Variants in WASHC5 observed in about 807,000 individuals in gnomAD.
WASHC5 encodes WASH complex subunit 5, also known as WASH complex subunit strumpellin.
In WASHC5, 101 loss-of-function variants were observed where a neutral mutation model predicts 150.4. That is an observed-to-expected ratio of 0.67 (90% confidence interval 0.57 to 0.79). The LOEUF is 0.79. Among genes scored for constraint, WASHC5 ranks in the 30% least tolerant of loss-of-function variants. WASHC5 has a pLI of 0.00. For synonymous variants in WASHC5, 467 were observed against 491.2 expected (o/e 0.95, Z 0.65); for missense variants, 1,195 against 1,396.3 (o/e 0.86, Z 2.30).
Position 125,033,406 on chromosome 8 carries a change from G to A in WASHC5, c.3182-1012C>T, listed in dbSNP as rs146466188. Among the ~76,000 whole-genome samples, 966 of 152,142 alleles carry A rather than the reference G, an allele frequency of 6.3e-3. 4 individuals are homozygous for A. The highest frequency in any genetic ancestry group is 9.3e-3 in the Non-Finnish European group (630 of 67,992). On this transcript the variant is annotated intron_variant, in intron 26 of 28. Transcript: ENST00000318410. ...TACTGAAACTGGATAGTCTTATGGGGGAACGACAAACCTTGACCCCTATCT... is the reference window on the plus strand; with the variant it reads ...TACTGAAACTGGATAGTCTTATGGGAGAACGACAAACCTTGACCCCTATCT...
chr8:125,091,213 T>C (rs532767136), intron 1 of WASHC5, among the ~76,000 whole-genome samples: 3 of 152,176 alleles, frequency 2.0e-5, no homozygotes, highest in East Asian at 1.9e-4. Flanking sequence ...CAGCAATGAC[T>C]TGCCCAAACT....
At chr8:125,063,718 G>A in intron 10 of WASHC5, 67 bp from the exon 11 acceptor site, 2 of 1,455,376 alleles carry the variant, frequency 1.4e-6, no homozygotes, top group East Asian at 2.3e-5. Flanking sequence ...CTTATGAAGA[G>A]AGCTTGAGGA....
At chr8:125,060,386 TG>T (rs1184559186) in intron 12 of WASHC5, among the ~76,000 whole-genome samples, 2 of 151,576 alleles carry the variant, frequency 1.3e-5, no homozygotes, top group Non-Finnish European at 2.9e-5. Context: ...CCCAGGAGGC[TG>T]AGGCAGGACA....
At position 125,081,755 on chromosome 8, in the gene WASHC5, C is replaced by T; in HGVS notation, c.424G>A (p.Ala142Thr). Residue 142 changes from alanine (A) to threonine (T), a missense_variant, in exon 5 of 29, where the codon GCA (alanine) becomes ACA (threonine). By Grantham distance (58) the Ala-to-Thr change is moderately conservative. Coordinates refer to ENST00000318410, the MANE Select transcript of WASHC5 (RefSeq NM_014846.4). The part of the protein sequence containing the change: ...NEDGKQLLCE[A>T]LYLYGVMLLV... ...AGCATAACTCCATATAAGTACAGTG[C>T]TTCACACTAAGAAGAGAAGAGGACA... The T allele has an allele frequency of 6.3e-7, 1 of 1,598,846 alleles. No homozygotes were observed. The highest frequency in any genetic ancestry group is 1.1e-5 in the South Asian group (1 of 90,808).
At chr8:125,072,445 C>T (rs1816927396) in intron 9 of WASHC5, among the ~76,000 whole-genome samples, 1 of 150,904 alleles carries the variant, frequency 6.6e-6, no homozygotes, top group African/African-American at 2.4e-5. Flanking sequence ...ATGATCTTGG[C>T]TCACTGCAGC....
intron 19 of WASHC5, 65 bp downstream of exon 19, chr8:125,048,941 G>T: frequency 7.7e-7 from 1 of 1,293,740 alleles, no homozygotes; most frequent in South Asian, 1.4e-5. Context: ...TCTGAGGTTT[G>T]GGATGTGTAC....
chr8:125,062,048 C>A, intron 11 of WASHC5, among the ~76,000 whole-genome samples: 1 of 151,950 alleles, frequency 6.6e-6, no homozygotes, highest in East Asian at 1.9e-4. Context: ...GGTGGTCCCA[C>A]GTTATTAAAA....
chr8:125,079,007 T>G, intron 5 of WASHC5, 77 bp from the exon 6 acceptor site: 19 of 1,189,484 alleles, frequency 1.6e-5, no homozygotes, highest in Non-Finnish European at 2.2e-5. Context: ...AAAGTAGAAT[T>G]CCATTCTACT....
At chr8:125,075,369 A>T (rs1213309419) in intron 7 of WASHC5, among the ~76,000 whole-genome samples, 3 of 152,078 alleles carry the variant, frequency 2.0e-5, no homozygotes, top group Non-Finnish European at 4.4e-5. Context: ...GTGTAATATT[A>T]ATGTTTTCTC....
chr8:125,056,933 G>T, intron 15 of WASHC5, 116 bp from the exon 16 acceptor site: 1 of 1,236,444 alleles, frequency 8.1e-7, no homozygotes, highest in Non-Finnish European at 1.2e-6. Flanking sequence ...ATGTAAAAGA[G>T]CTGTTTTAAT....
At chr8:125,039,047 A>C in intron 24 of WASHC5, 88 bp from the exon 25 acceptor site, 1 of 1,388,454 alleles carries the variant, frequency 7.2e-7, no homozygotes, top group Non-Finnish European at 1.0e-6. Context: ...TAATCTTTTC[A>C]AGCCTCAGTT....
intron 23 of WASHC5, among the ~76,000 whole-genome samples, 191 bp downstream of exon 23, chr8:125,043,634 C>T (rs1385506939): frequency 1.3e-5 from 2 of 152,084 alleles, no homozygotes; most frequent in Non-Finnish European, 2.9e-5. Flanking sequence ...TCCTAAAAAG[C>T]CTAATCAAGA....
intron 23 of WASHC5, among the ~76,000 whole-genome samples, chr8:125,041,274 A>C (rs1815876914): frequency 1.3e-5 from 2 of 152,150 alleles, no homozygotes; most frequent in African/African-American, 4.8e-5. Context: ...TGGGGAGAGG[A>C]GGGAAGACAG....
At chr8:125,076,645 C>G (rs1252848657) in intron 6 of WASHC5, 145 bp from the exon 7 acceptor site, 6 of 832,610 alleles carry the variant, frequency 7.2e-6, no homozygotes, top group Non-Finnish European at 1.2e-5. Flanking sequence ...AAGCCCTTCT[C>G]AGACTGTACC....
intron 20 of WASHC5, among the ~76,000 whole-genome samples, chr8:125,046,300 A>C (rs988253748): frequency 2.7e-5 from 4 of 150,898 alleles, no homozygotes; most frequent in African/African-American, 9.9e-5. Context: ...AATGAAGAAA[A>C]AGGAGGAAAA....
At chr8:125,026,595 T>G (rs1373966238) in intron 28 of WASHC5, among the ~76,000 whole-genome samples, 4 of 152,306 alleles carry the variant, frequency 2.6e-5, no homozygotes, top group Non-Finnish European at 4.4e-5. Context: ...ACATAGGAGA[T>G]GTAAAGGGGA....
At chr8:125,089,433 G>A (rs1817528869) in intron 1 of WASHC5, among the ~76,000 whole-genome samples, 1 of 152,170 alleles carries the variant, frequency 6.6e-6, no homozygotes, top group African/African-American at 2.4e-5. Context: ...AATGTTTTAA[G>A]CAAGTTTACA....
chr8:125,076,402 G>A lies in WASHC5; in HGVS notation c.810C>T (p.His270=), dbSNP rs1473217881. Residue 270 remains histidine, a synonymous_variant, in exon 7 of 29, where the codon CAC becomes CAT. Transcript: ENST00000318410. Reference sequence around the variant, plus strand: ...TCTCTCTCATTTTTGCTTGATGGGTGTGAAGGATGGAAGGCTCAAAGTAGA... The same window carrying A: ...TCTCTCTCATTTTTGCTTGATGGGTATGAAGGATGGAAGGCTCAAAGTAGA... The part of the protein sequence containing the change: ...VILYFEPSIL[H]THQAKMREIV... 1.2e-6 allele frequency: 2 copies of A among 1,614,014 alleles called. No homozygotes were observed. Among genetic ancestry groups the A allele is most frequent in the South Asian group, 2.2e-5 (2 of 91,068 alleles).
At chr8:125,067,234 T>C (rs1376782536) in intron 10 of WASHC5, among the ~76,000 whole-genome samples, 1 of 152,194 alleles carries the variant, frequency 6.6e-6, no homozygotes, top group African/African-American at 2.4e-5. Context: ...GCCAGGCTGA[T>C]CTCGAACTCC....
Sources: gnomAD v4.1 joint callset for allele counts (sites outside exome capture counted in the v4.1 genomes callset) on GRCh38, gnomAD v4.1.1 for gene constraint, MANE v1.5 for transcripts, NCBI Gene and HGNC (gene_info 2026-07-23, HGNC 2026-07-21) for gene names.